The following CYP4F3 variants were observed in gnomAD, a reference collection of about 807,000 sequenced individuals.
CYP4F3 encodes the protein cytochrome P450 family 4 subfamily F member 3.
A neutral mutation model predicts 54.8 loss-of-function variants in CYP4F3; 50 were observed. That is an observed-to-expected ratio of 0.91 (90% confidence interval 0.73 to 1.16). The LOEUF is 1.16. Ranked by LOEUF, CYP4F3 falls within the 50% of genes most tolerant of loss-of-function variation. The pLI is 0.00. For missense variants in CYP4F3, 715 were observed against 676.2 expected, an observed-to-expected ratio of 1.06 and a Z score of -0.64; for synonymous variants, 244 against 262.6, an observed-to-expected ratio of 0.93 and a Z score of 0.69.
At chr19:15,657,641 C>G (rs150271226) in intron 9 of CYP4F3, among the ~76,000 whole-genome samples, 29 of 133,222 alleles carry the variant, frequency 2.2e-4, no homozygotes, top group Non-Finnish European at 3.6e-4. Context: ...TTTCCCATAA[C>G]TTTACCAATA....
rs571474653 is a variant in CYP4F3 at position 15,659,597 on chromosome 19, C to G, written c.*212C>G. The G allele has an allele frequency of 8.3e-4, 697 of 840,442 alleles. 2 individuals are homozygous for G. The highest frequency in any genetic ancestry group is 1.1e-3 in the Non-Finnish European group (639 of 560,120). The allele number at this position is 840,442 out of a possible 1,614,324, so 52.1% of individuals were successfully genotyped here. Reference sequence around the variant, plus strand: ...CAGTAGCCAAACGATGAAAACAACCCCAAGCTATATATTACCAGATGAAAG... The same window carrying G: ...CAGTAGCCAAACGATGAAAACAACCGCAAGCTATATATTACCAGATGAAAG... On this transcript the variant is annotated 3_prime_UTR_variant, in exon 13 of 13. Transcript: ENST00000221307.
rs1973205667 is a variant in CYP4F3 at position 15,662,576 on chromosome 19, A to G, written c.*3191A>G. ...TATCATCAGTGTGTCTATTTCTACA[A>G]ATAGTCCTGATAGGGTTTGAATTGG... On this transcript the variant is annotated 3_prime_UTR_variant, in exon 13 of 13. Transcript: ENST00000221307. 1 of 152,148 alleles carries G rather than the reference A, an allele frequency of 6.6e-6. No individual in the cohort carries two copies. Among genetic ancestry groups the G allele is most frequent in the South Asian group, 2.1e-4 (1 of 4,830 alleles). 9.4% of individuals were successfully genotyped at this position (152,148 alleles called of 1,614,324 possible).
At chr19:15,650,744 TCC>T (rs1568398083) in intron 7 of CYP4F3, among the ~76,000 whole-genome samples, 15 of 111,328 alleles carry the variant, frequency 1.3e-4, no homozygotes, top group Admixed American at 4.8e-4. Flanking sequence ...TTCTTTTCCT[TCC>T]TTCCATCTTT....
rs1203541000 is a variant in CYP4F3 at position 15,662,806 on chromosome 19, T to C, written c.*3421T>C. 1.3e-5 allele frequency: 2 copies of C among 152,364 alleles called. No individual in the cohort carries two copies. The highest frequency in any genetic ancestry group is 2.9e-5 in the Non-Finnish European group (2 of 68,038). 9.4% of individuals were successfully genotyped at this position (152,364 alleles called of 1,614,324 possible). A position where few individuals can be genotyped will look rare whatever the true frequency, so the allele number is the denominator to read the frequency against. ...AATTTTTTCTGGTGTACAATGCTAA[T>C]AAAATGGTGCTTTAAAAGATGTGTT... On this transcript the variant is annotated 3_prime_UTR_variant, in exon 13 of 13. Coordinates refer to ENST00000221307, the MANE Select transcript of CYP4F3 (RefSeq NM_000896.3).
intron 9 of CYP4F3, among the ~76,000 whole-genome samples, chr19:15,656,146 C>G (rs1213650047): frequency 6.6e-6 from 1 of 151,980 alleles, no homozygotes; most frequent in African/African-American, 2.4e-5. Context: ...TTTTAGGTCC[C>G]AAGATAAGTA....
intron 5 of CYP4F3, among the ~76,000 whole-genome samples, chr19:15,647,898 A>C (rs540820351): frequency 6.6e-6 from 1 of 152,292 alleles, no homozygotes; most frequent in East Asian, 1.9e-4. Flanking sequence ...CCCATGGTTT[A>C]CAATACAGAT....
In CYP4F3 at chr19:15,658,472, G is replaced by C; in HGVS notation, c.1250-19G>C. ...TCAGGCAGGGAGCATTGTCCTGACT[G>C]CCCCCTTCTCTCCCACAGGCATTAT... On this transcript the variant is annotated intron_variant, in intron 10 of 12. Transcript: ENST00000221307. The C allele has an allele frequency of 2.5e-6, 4 of 1,614,152 alleles. No homozygotes were observed. Among genetic ancestry groups the C allele is most frequent in the Non-Finnish European group, 3.4e-6 (4 of 1,180,008 alleles).
Position 15,658,515 on chromosome 19 carries a change from T to C in CYP4F3, c.1274T>C (p.Phe425Ser), listed in dbSNP as rs747247259. 4.3e-6 allele frequency: 7 copies of C among 1,614,080 alleles called. No individual in the cohort carries two copies. The East Asian group carries it at 1.3e-4, about 31-fold the overall frequency. Reference protein sequence around the residue: ...PKGIICLISVFGTHHNPAVWP... With the variant: ...PKGIICLISVSGTHHNPAVWP... ...GGCATTATCTGCCTCATCAGTGTTT[T>C]TGGAACCCATCACAACCCAGCCGTG... is the stretch of plus-strand genomic sequence containing the variant. Residue 425 changes from phenylalanine (F) to serine (S), a missense_variant, in exon 11 of 13, where the codon TTT (phenylalanine) becomes TCT (serine). By Grantham distance (155) the Phe-to-Ser change is radical (BLOSUM62 -2). Transcript: ENST00000221307.
chr19:15,656,288 ATAT>A (rs1405357308), intron 9 of CYP4F3, among the ~76,000 whole-genome samples: 7 of 36,320 alleles, frequency 1.9e-4, no homozygotes, highest in Non-Finnish European at 3.1e-4. Flanking sequence ...CATTGTGTAT[ATAT>A]ATATATATAT....
intron 2 of CYP4F3, among the ~76,000 whole-genome samples, chr19:15,642,104 A>G (rs895027932): frequency 3.9e-5 from 6 of 152,082 alleles, no homozygotes; most frequent in African/African-American, 7.2e-5. Context: ...AGATGTCCCA[A>G]TGGGGTCCTG....
At chr19:15,641,746 T>G in intron 2 of CYP4F3, 133 bp downstream of exon 2, 32 of 986,566 alleles carry the variant, frequency 3.2e-5, no homozygotes, top group East Asian at 1.3e-4. Context: ...GTCTTACTCA[T>G]TCCTCTGCTT....
chr19:15,653,773 AGAGAG>A (rs1972939258), intron 9 of CYP4F3, among the ~76,000 whole-genome samples: 2 of 132,890 alleles, frequency 1.5e-5, no homozygotes, highest in Non-Finnish European at 3.3e-5. Flanking sequence ...AGAGAGAGAG[AGAGAG>A]AGAGAGAGCA....
chr19:15,649,947 C>T lies in CYP4F3; in HGVS notation c.682C>T (p.Leu228Phe). ...PSEYIAAILE[L>F]SALVTKRHQQ... Reference sequence around the variant, plus strand: ...TGAATATATTGCCGCCATCTTGGAGCTCAGTGCCCTTGTGACAAAAAGACA... The same window carrying T: ...TGAATATATTGCCGCCATCTTGGAGTTCAGTGCCCTTGTGACAAAAAGACA... Residue 228 changes from leucine (L) to phenylalanine (F), a missense_variant, in exon 7 of 13, where the codon CTC becomes TTC. Transcript: ENST00000221307. The T allele has an allele frequency of 6.2e-7, 1 of 1,614,150 alleles. No individual in the cohort carries two copies. Among genetic ancestry groups the T allele is most frequent in the South Asian group, 1.1e-5 (1 of 91,080 alleles).
At position 15,651,307 on chromosome 19, in the gene CYP4F3, A is replaced by G. The variant is rs191113282; in HGVS notation, c.918+1124A>G. Among the ~76,000 whole-genome samples, 3 of 134,114 alleles carry G rather than the reference A, an allele frequency of 2.2e-5. 1 individual carries two copies. Among genetic ancestry groups the G allele is most frequent in the East Asian group, 2.1e-4 (1 of 4,678 alleles). 88.0% of individuals were successfully genotyped at this position (134,114 alleles called of 152,430 possible). On this transcript the variant is annotated intron_variant, in intron 7 of 12. Transcript: ENST00000221307. ...TGTGTCTTTGTCTCAGTGTATGTCT[A>G]TGTCCATGTTTTTTTGTCTGTGTCT...
At chr19:15,646,814 C>T (rs950455676) in intron 3 of CYP4F3, among the ~76,000 whole-genome samples, 4 of 152,134 alleles carry the variant, frequency 2.6e-5, no homozygotes, top group Non-Finnish European at 4.4e-5. Context: ...TGCTGGAGCC[C>T]TGACATAGCT....
At chr19:15,647,469 C>T (rs1476690997) in intron 5 of CYP4F3, 145 bp downstream of exon 5, 5 of 1,406,094 alleles carry the variant, frequency 3.6e-6, no homozygotes, top group Non-Finnish European at 4.8e-6. Context: ...CTGTAAAATC[C>T]CTACTTAAAA....
chr19:15,653,249 C>T (rs571001543), intron 9 of CYP4F3, among the ~76,000 whole-genome samples: 90 of 152,162 alleles, frequency 5.9e-4, no homozygotes, highest in Non-Finnish European at 1.2e-3. Flanking sequence ...TTCCTTTTCT[C>T]CAAGAAATAT....
chr19:15,641,651 T>G (rs1599874538), intron 2 of CYP4F3, 38 bp downstream of exon 2: 1 of 1,532,472 alleles, frequency 6.5e-7, no homozygotes, highest in Non-Finnish European at 8.8e-7. Context: ...GGTCTCAGGG[T>G]GGATGGACTT....
chr19:15,645,660 G>T, intron 2 of CYP4F3, 59 bp from the exon 3 acceptor site: 1 of 1,528,446 alleles, frequency 6.5e-7, no homozygotes, highest in Admixed American at 1.9e-5. Context: ...CTTCCCTGCA[G>T]ATCCTTCTCT....
Sources: gnomAD v4.1 joint callset for allele counts (sites outside exome capture counted in the v4.1 genomes callset) on GRCh38, gnomAD v4.1.1 for gene constraint, MANE v1.5 for transcripts, NCBI Gene and HGNC (gene_info 2026-07-23, HGNC 2026-07-21) for gene names.